Variants in EVI5L observed in about 807,000 individuals in gnomAD.
The protein encoded by EVI5L is ecotropic viral integration site 5 like.
EVI5L carries 30 observed loss-of-function variants against 106.1 expected under a neutral mutation model. That is an observed-to-expected ratio of 0.28 (90% CI 0.21 to 0.38). The LOEUF (loss-of-function observed/expected upper bound fraction) is 0.38, where lower values mean the gene tolerates loss of function less well. Ranked by LOEUF, EVI5L falls within the 10% of genes least tolerant of loss-of-function variation. The pLI, the probability that EVI5L is intolerant of heterozygous loss-of-function variation, is 1.00. For synonymous variants in EVI5L, 489 were observed against 483.3 expected (o/e 1.01, Z -0.15); for missense variants, 809 against 1,098.0 (o/e 0.74, Z 3.72).
At position 7,861,969 on chromosome 19, in the gene EVI5L, C is replaced by G; in HGVS notation, c.1595C>G (p.Ser532Trp). 3.2e-6 allele frequency: 5 copies of G among 1,549,722 alleles called. No individual in the cohort carries two copies. The highest frequency in any genetic ancestry group is 4.4e-6 in the Non-Finnish European group (5 of 1,146,792). The change falls in exon 15 of 20, where the codon TCG (serine) becomes TGG (tryptophan). Residue 532 changes from serine (S) to tryptophan (W), a missense_variant. Ser to Trp is a radical substitution (Grantham distance 177). Transcript: ENST00000538904. ...GTGCGGGAAGGCCAGGCGGTGGCCT[C>G]GACGCGAGAGCTTAAACTGCAGCTG... ...LKVREGQAVA[S>W]TRELKLQLQE...
intron 10 of EVI5L, among the ~76,000 whole-genome samples, chr19:7,853,929 G>A (rs1353926628): frequency 1.3e-5 from 2 of 152,194 alleles, no homozygotes; most frequent in Admixed American, 6.5e-5. Flanking sequence ...AGTGTGCAAA[G>A]CTTCTCTCTC....
intron 1 of EVI5L, among the ~76,000 whole-genome samples, chr19:7,842,818 C>T (rs1156289666): frequency 6.7e-6 from 1 of 148,490 alleles, no homozygotes; most frequent in East Asian, 2.0e-4. Context: ...CGAGTGTGCA[C>T]ATGTGTGTGT....
chr19:7,849,573 C>G (rs1035866859), intron 5 of EVI5L, among the ~76,000 whole-genome samples: 1 of 152,234 alleles, frequency 6.6e-6, no homozygotes, highest in Admixed American at 6.5e-5. Context: ...GAGGGATAGG[C>G]TGTCTCTCTC....
chr19:7,860,531 G>C (rs1418554597), intron 13 of EVI5L, 30 bp from the exon 14 acceptor site: 2 of 1,549,360 alleles, frequency 1.3e-6, no homozygotes, highest in South Asian at 2.4e-5. Flanking sequence ...CCATGGCCTG[G>C]GGCCCCACGC....
At chr19:7,840,972 C>CA (rs1207747043) in intron 1 of EVI5L, among the ~76,000 whole-genome samples, 1 of 152,158 alleles carries the variant, frequency 6.6e-6, no homozygotes, top group Non-Finnish European at 1.5e-5. Flanking sequence ...GTGGATTTGC[C>CA]AGGTGGCGTG....
chr19:7,843,525 A>C (rs922481340), intron 1 of EVI5L, among the ~76,000 whole-genome samples: 5 of 137,350 alleles, frequency 3.6e-5, no homozygotes, highest in African/African-American at 1.4e-4. Flanking sequence ...GTGTGAGAAT[A>C]GGCATGGGTG....
At chr19:7,839,467 T>C (rs73500063) in intron 1 of EVI5L, among the ~76,000 whole-genome samples, 13,238 of 152,012 alleles carry the variant, frequency 0.087, 660 homozygotes, top group Middle Eastern at 0.12. Flanking sequence ...GGCATGCACG[T>C]CTTGCAAAGA....
At chr19:7,831,737 C>T (rs371279931) in intron 1 of EVI5L, among the ~76,000 whole-genome samples, 4 of 152,250 alleles carry the variant, frequency 2.6e-5, no homozygotes, top group African/African-American at 2.4e-5. Context: ...TCCTGGCTTC[C>T]GTCCTGAAGT....
chr19:7,860,854 G>A (rs569368839), intron 14 of EVI5L, among the ~76,000 whole-genome samples, 165 bp downstream of exon 14: 7 of 152,220 alleles, frequency 4.6e-5, no homozygotes, highest in East Asian at 1.9e-4. Context: ...GCATGCCCAC[G>A]CTCCTGTATG....
At chr19:7,860,833 C>A (rs1979766434) in intron 14 of EVI5L, 144 bp downstream of exon 14, 5 of 1,018,540 alleles carry the variant, frequency 4.9e-6, no homozygotes, top group Non-Finnish European at 6.7e-6. Context: ...CACAGCACAA[C>A]CCCACGCGGG....
chr19:7,857,286 C>CG lies in EVI5L; in HGVS notation c.1233+169dup, dbSNP rs1367011956. The CG allele has an allele frequency of 1.3e-4, 119 of 890,100 alleles. 1 individual carries two copies. The highest frequency in any genetic ancestry group is 3.6e-4 in the South Asian group (23 of 64,010). 55.1% of individuals were successfully genotyped at this position (890,100 alleles called of 1,614,324 possible). On this transcript the variant is annotated intron_variant, in intron 12 of 19. Coordinates refer to ENST00000538904, the MANE Select transcript of EVI5L (RefSeq NM_001159944.3). This position sits in a 1 kb window ranked among gnomAD's most constrained non-coding sequence, Gnocchi z 4.5. ...GCTTCTGGGGGACACAGAGGCTTCC[C>CG]GGGGGGGCGGGGCATGTGAAGTGGG... is the stretch of plus-strand genomic sequence containing the variant.
intron 1 of EVI5L, among the ~76,000 whole-genome samples, chr19:7,841,304 G>C (rs1298304656): frequency 6.6e-6 from 1 of 152,088 alleles, no homozygotes; most frequent in African/African-American, 2.4e-5. Context: ...AGGGCATCAA[G>C]ATCAAGGCCA....
intron 1 of EVI5L, among the ~76,000 whole-genome samples, 181 bp from the exon 2 acceptor site, chr19:7,846,315 G>A (rs1454159247): frequency 6.6e-6 from 1 of 152,212 alleles, no homozygotes; most frequent in Non-Finnish European, 1.5e-5. Context: ...CAATCGCCAG[G>A]GTCTCGAACA....
chr19:7,838,871 C>T (rs910837493), intron 1 of EVI5L, among the ~76,000 whole-genome samples: 4 of 152,014 alleles, frequency 2.6e-5, no homozygotes, highest in Non-Finnish European at 5.9e-5. Flanking sequence ...CAGGCACAGT[C>T]CCAGCACTTT....
Position 7,863,903 on chromosome 19 carries a change from TC to T in EVI5L, c.*205del. The T allele has an allele frequency of 1.6e-6, 1 of 643,082 alleles. No individual in the cohort carries two copies. The highest frequency in any genetic ancestry group is 2.5e-6 in the Non-Finnish European group (1 of 403,328). The allele number at this position is 643,082 out of a possible 1,614,324, so 39.8% of individuals were successfully genotyped here. A position where few individuals can be genotyped will look rare whatever the true frequency, so the allele number is the denominator to read the frequency against. ...TCAGGGCCCCGGGGCAGGCTCTCTA[TC>T]CCCAGCAGTGTTTACCCATCTTGGT... On this transcript the variant is annotated 3_prime_UTR_variant, in exon 20 of 20. Coordinates refer to ENST00000538904, the MANE Select transcript of EVI5L (RefSeq NM_001159944.3). This position sits in a 1 kb window ranked among gnomAD's most constrained non-coding sequence, Gnocchi z 7.7.
chr19:7,842,467 CAA>C (rs1430546994), intron 1 of EVI5L, among the ~76,000 whole-genome samples: 1 of 148,026 alleles, frequency 6.8e-6, no homozygotes, highest in African/African-American at 2.5e-5. Flanking sequence ...GTGTGTGTAT[CAA>C]GTGTGTGCAT....
In EVI5L at chr19:7,848,892, C is replaced by T. The variant is rs201366659; in HGVS notation, c.328-29C>T. On this transcript the variant is annotated intron_variant, in intron 3 of 19. Transcript: ENST00000538904. This position sits in a 1 kb window ranked among gnomAD's most constrained non-coding sequence, Gnocchi z 4.8. ...GGGGAGGCTGCGCTGGGACCGAGTC[C>T]AGCCCCCGCTTCCCGCTCCCGTGGC... 122 of 1,596,322 alleles carry T rather than the reference C, an allele frequency of 7.6e-5. No individual in the cohort carries two copies. The African/African-American group carries it at 1.4e-3, about 19-fold the overall frequency.
At position 7,850,166 on chromosome 19, in the gene EVI5L, C is replaced by T; in HGVS notation, c.753+44C>T. The T allele has an allele frequency of 6.4e-7, 1 of 1,574,422 alleles. No individual in the cohort carries two copies. ...GAGCAGGGCTGCAGGAGGGCAGGGC[C>T]ACAGGTGGGCAGGGCCGCAAGGGAG... is the stretch of plus-strand genomic sequence containing the variant. On this transcript the variant is annotated intron_variant, in intron 6 of 19. Transcript: ENST00000538904. The surrounding 1 kb of genome is among the most constrained non-coding windows in gnomAD (Gnocchi z 5.4).
intron 13 of EVI5L, chr19:7,859,255 G>C (rs1451289815): frequency 1.3e-5 from 2 of 152,034 alleles, no homozygotes; most frequent in African/African-American, 4.8e-5. Flanking sequence ...TGATCGCAGG[G>C]ACCCCCAGTG....
Sources: allele counts gnomAD v4.1 joint callset (sites outside exome capture counted in the v4.1 genomes callset), GRCh38; gene constraint gnomAD v4.1.1; non-coding constraint Gnocchi (gnomAD v3.1); transcripts MANE v1.5; gene names NCBI Gene and HGNC (gene_info 2026-07-23, HGNC 2026-07-21).